The following DCC variants were observed in gnomAD, a reference collection of about 807,000 sequenced individuals.
The protein encoded by DCC is DCC netrin 1 receptor, also known as netrin receptor DCC.
A neutral mutation model predicts 172.5 loss-of-function variants in DCC; 58 were observed. The ratio of observed to expected loss-of-function variants is 0.34; its 90% confidence interval spans 0.27 to 0.42. The LOEUF is 0.42. Among genes scored for constraint, DCC ranks in the 10% least tolerant of loss-of-function variants. DCC has a pLI of 1.00. For synonymous variants in DCC, 709 were observed against 644.5 expected (o/e 1.10, Z -1.52); for missense variants, 1,740 against 1,791.0 (o/e 0.97, Z 0.51).
chr18:52,476,749 G>A (rs16955056), intron 1 of DCC, among the ~76,000 whole-genome samples: 6,888 of 152,222 alleles, frequency 0.045, 198 homozygotes, highest in South Asian at 0.12. Flanking sequence ...AAACCTTGCA[G>A]TTGGATTCTA....
intron 27 of DCC, among the ~76,000 whole-genome samples, chr18:53,509,884 G>A (rs2046229538): frequency 6.6e-6 from 1 of 152,256 alleles, no homozygotes; most frequent in Non-Finnish European, 1.5e-5. Context: ...CAAAAGCTGA[G>A]TACTTGTGCT....
intron 8 of DCC, among the ~76,000 whole-genome samples, chr18:53,176,654 G>T (rs1427259476): frequency 6.6e-6 from 1 of 152,116 alleles, no homozygotes; most frequent in African/African-American, 2.4e-5. Flanking sequence ...AGTTAGAATG[G>T]CAATCACTAA....
chr18:53,129,693 T>C lies in DCC; in HGVS notation c.1262-27663T>C, dbSNP rs111798668. ...TATTTTTTTGCTGAGTAGTATTCAA[T>C]TACATAGGCAAGTCCTAATGTATTT... On this transcript the variant is annotated intron_variant, in intron 7 of 28. Coordinates refer to ENST00000442544, the MANE Select transcript of DCC (RefSeq NM_005215.4). 9.6e-3 allele frequency among the ~76,000 whole-genome samples: 1,469 copies of C among 152,276 alleles called. 33 individuals carry two copies. The highest frequency in any genetic ancestry group is 0.033 in the African/African-American group (1,365 of 41,570).
At chr18:52,884,844 A>G (rs1443367334) in intron 2 of DCC, among the ~76,000 whole-genome samples, 1 of 152,078 alleles carries the variant, frequency 6.6e-6, no homozygotes, top group African/African-American at 2.4e-5. Flanking sequence ...TCTCCTTGGG[A>G]AGGCTTTCCA....
chr18:52,839,285 ATGTT>A (rs1281623375), intron 2 of DCC, among the ~76,000 whole-genome samples: 21 of 152,286 alleles, frequency 1.4e-4, no homozygotes, highest in Admixed American at 8.5e-4. Context: ...ATGTTCAAGT[ATGTT>A]TGTGTGCATG....
chr18:52,910,861 A>G lies in DCC; in HGVS notation c.697+4533A>G, dbSNP rs561048938. Among the ~76,000 whole-genome samples, 3 of 152,260 alleles carry G rather than the reference A, an allele frequency of 2.0e-5. No homozygotes were observed. The East Asian group carries it at 5.8e-4, about 29-fold the overall frequency. On this transcript the variant is annotated intron_variant, in intron 3 of 28. Coordinates refer to ENST00000442544, the MANE Select transcript of DCC (RefSeq NM_005215.4). ...ATCTAATTAGAGACCTTGGCTTTTA[A>G]AGAAATAAATTGGACTAAAATATAC...
chr18:53,067,528 CACA>C (rs1289321211), intron 7 of DCC, among the ~76,000 whole-genome samples: 1 of 151,988 alleles, frequency 6.6e-6, no homozygotes, highest in East Asian at 1.9e-4. Context: ...TCACAAAAAA[CACA>C]ACAAAACAAA....
chr18:52,835,672 G>C (rs183253031), intron 2 of DCC, among the ~76,000 whole-genome samples: 1 of 152,104 alleles, frequency 6.6e-6, no homozygotes. Flanking sequence ...AGTTTGTATA[G>C]AGATATCTAT....
Position 53,425,357 on chromosome 18 carries a change from C to CTTTT in DCC, c.3163+9218_3163+9221dup, listed in dbSNP as rs747096336. ...CCACAATTTTCCCCGTTTCTCCTCT[C>CTTTT]TTTTTTTTTTTTTTTTTTTTGAGAC... On this transcript the variant is annotated intron_variant, in intron 21 of 28. Transcript: ENST00000442544. Among the ~76,000 whole-genome samples, 151 of 101,636 alleles carry CTTTT rather than the reference C, an allele frequency of 1.5e-3. 6 individuals are homozygous for CTTTT. Among genetic ancestry groups the CTTTT allele is most frequent in the Non-Finnish European group, 2.2e-3 (113 of 51,290 alleles). The allele number at this position is 101,636 out of a possible 152,430, so 66.7% of individuals were successfully genotyped here.
At chr18:52,786,133 A>G (rs1472250959) in intron 2 of DCC, among the ~76,000 whole-genome samples, 1 of 152,092 alleles carries the variant, frequency 6.6e-6, no homozygotes, top group African/African-American at 2.4e-5. Context: ...TTGTCAAGAT[A>G]CAGAATTTAT....
At chr18:52,558,985 A>G (rs1027179059) in intron 1 of DCC, among the ~76,000 whole-genome samples, 1 of 152,234 alleles carries the variant, frequency 6.6e-6, no homozygotes, top group African/African-American at 2.4e-5. Flanking sequence ...TAATTGCAGA[A>G]CTAGGATTAA....
At chr18:52,544,771 T>C (rs986120015) in intron 1 of DCC, among the ~76,000 whole-genome samples, 2 of 152,212 alleles carry the variant, frequency 1.3e-5, no homozygotes, top group Admixed American at 1.3e-4. Context: ...GATATATCTA[T>C]TCTGTCTTTT....
At chr18:53,066,580 A>C (rs1312642068) in intron 7 of DCC, among the ~76,000 whole-genome samples, 1 of 150,964 alleles carries the variant, frequency 6.6e-6, no homozygotes, top group Non-Finnish European at 1.5e-5. Flanking sequence ...AAAATATATA[A>C]TATATACCTT....
chr18:52,640,636 A>G (rs1044746065), intron 1 of DCC, among the ~76,000 whole-genome samples: 1 of 152,032 alleles, frequency 6.6e-6, no homozygotes, highest in African/African-American at 2.4e-5. Context: ...GAAAAAAAAA[A>G]CTTAGGAATA....
At chr18:53,098,974 G>A (rs2043125115) in intron 7 of DCC, among the ~76,000 whole-genome samples, 1 of 152,094 alleles carries the variant, frequency 6.6e-6, no homozygotes, top group African/African-American at 2.4e-5. Flanking sequence ...ATGGCGCCAT[G>A]CTCCAGCCTG....
chr18:52,464,907 G>A (rs1395571609), intron 1 of DCC, among the ~76,000 whole-genome samples: 1 of 152,032 alleles, frequency 6.6e-6, no homozygotes, highest in African/African-American at 2.4e-5. Context: ...ATCTTTATTG[G>A]TTATCTCTCC....
chr18:53,126,907 A>T (rs2043565058), intron 7 of DCC, among the ~76,000 whole-genome samples: 1 of 152,118 alleles, frequency 6.6e-6, no homozygotes, highest in African/African-American at 2.4e-5. Context: ...GAATTATTTT[A>T]TCACACACCC....
At chr18:53,038,440 C>T (rs1207287290) in intron 5 of DCC, among the ~76,000 whole-genome samples, 2 of 151,950 alleles carry the variant, frequency 1.3e-5, no homozygotes, top group Admixed American at 6.6e-5. Context: ...AAAAGGCATA[C>T]CTCCAAATAC....
At chr18:52,848,103 T>TG (rs1491320005) in intron 2 of DCC, among the ~76,000 whole-genome samples, 1 of 131,782 alleles carries the variant, frequency 7.6e-6, no homozygotes, top group Non-Finnish European at 1.6e-5. Context: ...TTTTTTTTTT[T>TG]GAGAAAGATT....
Sources: allele counts gnomAD v4.1 joint callset (sites outside exome capture counted in the v4.1 genomes callset), GRCh38; gene constraint gnomAD v4.1.1; transcripts MANE v1.5; gene names NCBI Gene and HGNC (gene_info 2026-07-23, HGNC 2026-07-21).